Variants in FADS2 observed in about 807,000 individuals in gnomAD.
FADS2 encodes the protein acyl-CoA 6-desaturase.
A neutral mutation model predicts 61.2 loss-of-function variants in FADS2; 18 were observed. The ratio of observed to expected loss-of-function variants is 0.29; its 90% confidence interval spans 0.20 to 0.44. The LOEUF is 0.44. FADS2 is among the 20% of genes least tolerant of loss of function. FADS2 has a pLI of 1.00. For synonymous variants in FADS2, 203 were observed against 223.9 expected (o/e 0.91, Z 0.83); for missense variants, 322 against 572.7 (o/e 0.56, Z 4.47).
At chr11:61,826,406 A>G (rs1316628488), upstream of FADS2, 2 of 701,722 alleles carry the variant, frequency 2.9e-6, no homozygotes, top group African/African-American at 3.5e-5. Context: ...TGAACCTTCA[A>G]AGCCTCTGTG....
At chr11:61,847,399 C>T (rs1370092382) in intron 4 of FADS2, 1 of 152,226 alleles carries the variant, frequency 6.6e-6, no homozygotes, top group Non-Finnish European at 1.5e-5. Context: ...TACCCCAATC[C>T]TAGCCCTACA....
In FADS2 at chr11:61,863,023, C is replaced by A; in HGVS notation, c.934C>A (p.Pro312Thr). The A allele has an allele frequency of 6.2e-7, 1 of 1,614,242 alleles. No homozygotes were observed. The highest frequency in any genetic ancestry group is 8.5e-7 in the Non-Finnish European group (1 of 1,180,036). Residue 312 changes from proline (P) to threonine (T), a missense_variant, in exon 8 of 12, where the codon CCT (proline) becomes ACT (threonine). Physicochemically the swap from Pro to Thr is conservative, Grantham distance 38. Coordinates refer to ENST00000278840, the MANE Select transcript of FADS2 (RefSeq NM_004265.4). The stretch of plus-strand genomic sequence containing the variant: ...CATCCGGTTCTTCATCACCTACATC[C>A]CTTTCTACGGCATCCTGGGAGCCCT... Reference protein sequence around the residue: ...YYIRFFITYIPFYGILGALLF... With the variant: ...YYIRFFITYITFYGILGALLF...
intron 1 of FADS2, among the ~76,000 whole-genome samples, chr11:61,833,148 C>T (rs752460419): frequency 2.6e-4 from 39 of 152,264 alleles, no homozygotes; most frequent in Non-Finnish European, 5.4e-4. Flanking sequence ...CCACCTCACA[C>T]ACCTGCCCTG....
intron 10 of FADS2, chr11:61,864,049 G>A (rs7928482): frequency 0.012 from 5,734 of 472,646 alleles, 53 homozygotes; most frequent in Non-Finnish European, 0.017. Context: ...TGTGGGCCTG[G>A]GACTTTGTAG....
chr11:61,849,015 C>A (rs1471775441), intron 5 of FADS2, among the ~76,000 whole-genome samples: 1 of 152,218 alleles, frequency 6.6e-6, no homozygotes, highest in Non-Finnish European at 1.5e-5. Flanking sequence ...ATTCTCCTGC[C>A]TCCGCCTCCC....
intron 4 of FADS2, 179 bp from the exon 5 acceptor site, chr11:61,847,980 G>A: frequency 1.6e-6 from 1 of 642,894 alleles, no homozygotes; most frequent in East Asian, 2.8e-5. Context: ...ACTCCATCTG[G>A]GGCTGGCGCA....
intron 4 of FADS2, among the ~76,000 whole-genome samples, chr11:61,841,340 G>T (rs1043968630): frequency 6.6e-6 from 1 of 152,044 alleles, no homozygotes; most frequent in Non-Finnish European, 1.5e-5. Flanking sequence ...GTGAGCCACC[G>T]CATCCGGCCT....
chr11:61,816,807 C>T lies in FADS2; in HGVS notation c.141+381C>T, dbSNP rs2066989538. The T allele has an allele frequency of 4.7e-6, 7 of 1,496,770 alleles. No homozygotes were observed. Among genetic ancestry groups the T allele is most frequent in the Non-Finnish European group, 6.2e-6 (7 of 1,132,914 alleles). 92.7% of individuals were successfully genotyped at this position (1,496,770 alleles called of 1,614,324 possible). ...CCGGGCCAGCAGGGGCTGTCAGGCG[C>T]GTGCTCGGGGTCCGCGGGCTCCAGG... On this transcript the variant is annotated intron_variant, in intron 1 of 11. Transcript: ENST00000257261. This position sits in a 1 kb window ranked among gnomAD's most constrained non-coding sequence, Gnocchi z 7.0.
intron 4 of FADS2, 25 bp downstream of exon 4, chr11:61,840,750 C>A: frequency 6.4e-7 from 1 of 1,559,084 alleles, no homozygotes; most frequent in Non-Finnish European, 8.9e-7. Flanking sequence ...CCCTGGGCAT[C>A]TGTCCTGTTG....
At chr11:61,835,649 G>C (rs921874467) in intron 1 of FADS2, among the ~76,000 whole-genome samples, 11 of 149,910 alleles carry the variant, frequency 7.3e-5, no homozygotes, top group African/African-American at 2.5e-4. Context: ...CAGGCAATCC[G>C]CCGCCTCGGC....
upstream of FADS2, chr11:61,826,342 C>T (rs1565326080): frequency 2.8e-6 from 2 of 702,582 alleles, no homozygotes; most frequent in East Asian, 5.4e-5. Context: ...CTGGCCGGTC[C>T]ACGCTTCTCA....
At chr11:61,850,852 C>A (rs911561384) in intron 5 of FADS2, among the ~76,000 whole-genome samples, 4 of 152,156 alleles carry the variant, frequency 2.6e-5, no homozygotes, top group Non-Finnish European at 4.4e-5. Flanking sequence ...AAGTAGTATT[C>A]CCGACAGCCT....
intron 1 of FADS2, among the ~76,000 whole-genome samples, chr11:61,832,602 T>C (rs1393341315): frequency 6.6e-6 from 1 of 152,180 alleles, no homozygotes; most frequent in Admixed American, 6.5e-5. Flanking sequence ...ACTGCGGGGC[T>C]CTTTGGCCAC....
At chr11:61,845,144 T>C (rs1263262599) in intron 4 of FADS2, among the ~76,000 whole-genome samples, 2 of 138,196 alleles carry the variant, frequency 1.4e-5, no homozygotes, top group African/African-American at 5.3e-5. Context: ...TGGAGCACTC[T>C]ACACTCCCCC....
intron 1 of FADS2, 33 bp from the exon 2 acceptor site, chr11:61,837,745 G>A (rs1410898538): frequency 1.0e-5 from 15 of 1,471,730 alleles, no homozygotes; most frequent in Non-Finnish European, 1.4e-5. Context: ...CAGAGTTCAG[G>A]TCTTAGCCTC....
At chr11:61,821,640 C>G (rs964628098) in intron 1 of FADS2, among the ~76,000 whole-genome samples, 1 of 152,164 alleles carries the variant, frequency 6.6e-6, no homozygotes, top group Non-Finnish European at 1.5e-5. Context: ...AGACCAAAAC[C>G]ATTTTTGAAA....
At chr11:61,850,327 T>C (rs762153282) in intron 5 of FADS2, among the ~76,000 whole-genome samples, 8 of 152,216 alleles carry the variant, frequency 5.3e-5, no homozygotes, top group Non-Finnish European at 1.2e-4. Context: ...CTTGGCTCAC[T>C]GCAACCTCCA....
At chr11:61,863,500 C>A in intron 9 of FADS2, 122 bp downstream of exon 9, 1 of 841,010 alleles carries the variant, frequency 1.2e-6, no homozygotes, top group Admixed American at 2.1e-5. Flanking sequence ...TGTCCTTTTG[C>A]TGGGAGCTTC....
At chr11:61,839,982 C>T (rs2067205130) in intron 2 of FADS2, among the ~76,000 whole-genome samples, 1 of 152,206 alleles carries the variant, frequency 6.6e-6, no homozygotes, top group African/African-American at 2.4e-5. Flanking sequence ...ATGGATAGAC[C>T]ACGTGTTGCT....
Sources: allele counts gnomAD v4.1 joint callset (sites outside exome capture counted in the v4.1 genomes callset), GRCh38; gene constraint gnomAD v4.1.1; non-coding constraint Gnocchi (gnomAD v3.1); transcripts MANE v1.5; gene names NCBI Gene and HGNC (gene_info 2026-07-23, HGNC 2026-07-21).